The following BMPER variants were observed in gnomAD, a reference collection of about 807,000 sequenced individuals.
BMPER encodes BMP-binding endothelial regulator protein.
BMPER carries 45 observed loss-of-function variants against 87.3 expected under a neutral mutation model. The observed-to-expected ratio is 0.52, with a 90% confidence interval of 0.41 to 0.66. The LOEUF is 0.66. Ranked by LOEUF, BMPER falls within the 30% of genes least tolerant of loss-of-function variation. The pLI is 0.00. For missense variants in BMPER, 784 were observed against 867.5 expected, an observed-to-expected ratio of 0.90 and a Z score of 1.21; for synonymous variants, 326 against 316.2, an observed-to-expected ratio of 1.03 and a Z score of -0.33.
intron 6 of BMPER, among the ~76,000 whole-genome samples, chr7:34,011,717 A>G (rs183388483): frequency 2.0e-5 from 3 of 151,954 alleles, no homozygotes; most frequent in African/African-American, 7.2e-5. Context: ...ACCTGTACCC[A>G]TCTTAGAAAA....
intron 2 of BMPER, among the ~76,000 whole-genome samples, chr7:33,913,545 A>G (rs752000749): frequency 2.0e-5 from 3 of 152,196 alleles, no homozygotes; most frequent in Non-Finnish European, 4.4e-5. Flanking sequence ...AGGAATGGAA[A>G]GAAGGTGTTG....
At chr7:33,989,598 G>T (rs986646598) in intron 6 of BMPER, among the ~76,000 whole-genome samples, 6 of 152,262 alleles carry the variant, frequency 3.9e-5, no homozygotes, top group African/African-American at 1.4e-4. Context: ...TTCTTTCACT[G>T]TGCAGAAGCT....
intron 14 of BMPER, among the ~76,000 whole-genome samples, chr7:34,143,677 A>G (rs895071844): frequency 6.6e-6 from 1 of 152,218 alleles, no homozygotes; most frequent in Non-Finnish European, 1.5e-5. Flanking sequence ...GCTGTGGCTT[A>G]GGTTATGTGT....
chr7:34,051,766 A>G lies in BMPER; in HGVS notation c.677-95A>G, dbSNP rs536878383. On this transcript the variant is annotated intron_variant, in intron 7 of 14. Coordinates refer to ENST00000649409, the MANE Select transcript of BMPER (RefSeq NM_001365308.1). ...GTGCTCCAGACTTACGTGGTCTTAT[A>G]AGAATGTATAATGGACCTATGATGG... 1.1e-5 allele frequency: 12 copies of G among 1,090,574 alleles called. No individual in the cohort carries two copies. In the Admixed American group the frequency reaches 1.7e-4, roughly 16 times the overall value. 67.6% of individuals were successfully genotyped at this position (1,090,574 alleles called of 1,614,324 possible). A position where few individuals can be genotyped will look rare whatever the true frequency, so the allele number is the denominator to read the frequency against.
intron 6 of BMPER, among the ~76,000 whole-genome samples, chr7:34,037,874 G>A (rs530098539): frequency 6.6e-6 from 1 of 152,180 alleles, no homozygotes; most frequent in African/African-American, 2.4e-5. Context: ...AACTTACTCA[G>A]ATCGCAAGCC....
chr7:33,946,701 C>T (rs957942029), intron 3 of BMPER, among the ~76,000 whole-genome samples: 8 of 152,172 alleles, frequency 5.3e-5, no homozygotes, highest in Admixed American at 1.3e-4. Flanking sequence ...CCTATCATGA[C>T]TTTTACTTAT....
chr7:33,941,822 C>T lies in BMPER; in HGVS notation c.319+4434C>T, dbSNP rs78458816. 5.5e-3 allele frequency among the ~76,000 whole-genome samples: 835 copies of T among 152,256 alleles called. 6 individuals carry two copies. Among genetic ancestry groups the T allele is most frequent in the African/African-American group, 0.017 (698 of 41,548 alleles). On this transcript the variant is annotated intron_variant, in intron 3 of 14. Transcript: ENST00000649409. ...TACAAGGTACAGACCAGTACAGGTC[C>T]GTGGCCCAGGCAGGGGTTGGGGACC...
intron 3 of BMPER, among the ~76,000 whole-genome samples, chr7:33,959,538 G>A (rs971815285): frequency 6.6e-6 from 1 of 152,136 alleles, no homozygotes; most frequent in Non-Finnish European, 1.5e-5. Flanking sequence ...GATGGTTTTT[G>A]CAGTGGGATT....
At chr7:33,914,117 T>G (rs1260254797) in intron 2 of BMPER, among the ~76,000 whole-genome samples, 1 of 151,522 alleles carries the variant, frequency 6.6e-6, no homozygotes, top group Non-Finnish European at 1.5e-5. Flanking sequence ...CGCCCGCCAC[T>G]ATGCCCGGCT....
In BMPER at chr7:33,905,728, G is replaced by T. The variant is rs886062295; in HGVS notation, c.115G>T (p.Ala39Ser). The change falls in exon 1 of 15, where the codon GCT becomes TCT. Residue 39 changes from alanine to serine, a missense_variant. Physicochemically the swap from Ala to Ser is moderately conservative, Grantham distance 99. Transcript: ENST00000649409. ...TTGCTCGGGGGTCCCCATGTCTCTG[G>T]CTTCCTCCTTCTTGACAGGTAGGGG... ...LNCSGVPMSLASSFLTGSVAK... is the reference protein window; with the variant it reads ...LNCSGVPMSLSSSFLTGSVAK... 5.0e-6 allele frequency: 8 copies of T among 1,611,968 alleles called. No individual in the cohort carries two copies. The highest frequency in any genetic ancestry group is 5.9e-6 in the Non-Finnish European group (7 of 1,179,314).
At chr7:34,112,242 C>T (rs1231896480) in intron 13 of BMPER, among the ~76,000 whole-genome samples, 1 of 151,880 alleles carries the variant, frequency 6.6e-6, no homozygotes, top group Non-Finnish European at 1.5e-5. Flanking sequence ...CACCTGTAAT[C>T]CCAGCACTTT....
At chr7:34,078,512 C>CG (rs1344198482) in intron 11 of BMPER, among the ~76,000 whole-genome samples, 2 of 152,078 alleles carry the variant, frequency 1.3e-5, no homozygotes, top group African/African-American at 2.4e-5. Flanking sequence ...ACTTACTTTG[C>CG]TCTTGTATGT....
chr7:34,052,114 C>A, intron 8 of BMPER, 144 bp downstream of exon 8: 1 of 777,708 alleles, frequency 1.3e-6, no homozygotes, highest in Non-Finnish European at 2.2e-6. Context: ...AAATCATACT[C>A]AAGGTCACCA....
rs189426092 is a variant in BMPER, at chr7:33,985,895, G to A, written c.576+11111G>A. Among the ~76,000 whole-genome samples the A allele has an allele frequency of 2.6e-5, 4 of 152,212 alleles. No individual in the cohort carries two copies. In the East Asian group the frequency reaches 7.7e-4, roughly 29 times the overall value. On this transcript the variant is annotated intron_variant, in intron 6 of 14. Coordinates refer to ENST00000649409, the MANE Select transcript of BMPER (RefSeq NM_001365308.1). ...CTGCTTTGTGTGCCATTTGACCTTA[G>A]TATGCATATGGCATGGTAGATAATT...
At chr7:34,068,563 G>A (rs1319203962) in intron 11 of BMPER, among the ~76,000 whole-genome samples, 1 of 131,826 alleles carries the variant, frequency 7.6e-6, no homozygotes, top group Non-Finnish European at 1.6e-5. Flanking sequence ...TATGCTCTGA[G>A]CTCACTGACA....
At chr7:34,121,387 G>C (rs1159968841) in intron 13 of BMPER, among the ~76,000 whole-genome samples, 1 of 152,008 alleles carries the variant, frequency 6.6e-6, no homozygotes, top group Admixed American at 6.6e-5. Context: ...TCAATATTTT[G>C]GTTTCCTTAT....
chr7:33,970,192 T>C (rs1785505379), intron 4 of BMPER, 137 bp from the exon 5 acceptor site: 6 of 794,424 alleles, frequency 7.6e-6, no homozygotes, highest in Non-Finnish European at 1.3e-5. Flanking sequence ...CGTTGGTGTC[T>C]CATACCTCTC....
intron 13 of BMPER, among the ~76,000 whole-genome samples, chr7:34,097,460 G>A (rs908214543): frequency 1.3e-5 from 2 of 152,170 alleles, no homozygotes; most frequent in Admixed American, 6.5e-5. Context: ...TACTGAGCAG[G>A]GGTTTAGTAA....
intron 5 of BMPER, among the ~76,000 whole-genome samples, chr7:33,971,114 G>A (rs1216948907): frequency 1.6e-4 from 24 of 150,308 alleles, no homozygotes; most frequent in Admixed American, 1.6e-3. Context: ...TGTTTTTTTT[G>A]TTTTTTTGTT....
Sources: allele counts gnomAD v4.1 joint callset (sites outside exome capture counted in the v4.1 genomes callset), GRCh38; gene constraint gnomAD v4.1.1; transcripts MANE v1.5; gene names NCBI Gene and HGNC (gene_info 2026-07-23, HGNC 2026-07-21).